LRP1B: variants seen among roughly 807,000 people sequenced by gnomAD.
LRP1B encodes low-density lipoprotein receptor-related protein 1B.
A neutral mutation model predicts 556.6 loss-of-function variants in LRP1B; 217 were observed. The ratio of observed to expected loss-of-function variants is 0.39; its 90% CI spans 0.35 to 0.44. The LOEUF is 0.44. Among genes scored for constraint, LRP1B ranks in the 20% least tolerant of loss-of-function variants. The pLI, the probability that LRP1B is intolerant of heterozygous loss-of-function variation, is 1.00. For synonymous variants in LRP1B, 2,047 were observed against 1,865.8 expected (o/e 1.10, Z -2.50); for missense variants, 5,053 against 5,620.8 (o/e 0.90, Z 3.23).
chr2:141,566,130 T>C (rs1183885993), intron 2 of LRP1B, among the ~76,000 whole-genome samples: 1 of 151,154 alleles, frequency 6.6e-6, no homozygotes, highest in East Asian at 2.0e-4. Flanking sequence ...TACTGTTCTT[T>C]GTCAACCCAC....
chr2:141,015,493 C>T (rs1697875651), intron 13 of LRP1B, among the ~76,000 whole-genome samples: 1 of 151,996 alleles, frequency 6.6e-6, no homozygotes, highest in African/African-American at 2.4e-5. Context: ...CCTGGCATAC[C>T]ACAGTGAGCT....
chr2:141,638,037 C>T (rs1689166542), intron 2 of LRP1B, among the ~76,000 whole-genome samples: 1 of 152,016 alleles, frequency 6.6e-6, no homozygotes, highest in Non-Finnish European at 1.5e-5. Context: ...CCCATCTCTA[C>T]AAAAAATACA....
rs1219256624 is a variant in LRP1B at position 140,356,581 on chromosome 2, C to T, written c.11396-105G>A. 6 of 743,314 alleles carry T rather than the reference C, an allele frequency of 8.1e-6. No homozygotes were observed. In the African/African-American group the frequency reaches 9.0e-5, roughly 11 times the overall value. The allele number at this position is 743,314 out of a possible 1,614,324, so 46.0% of individuals were successfully genotyped here. ...ATGGTATTTATTATTCCACAGATAACTCTTTTTGAATGTACAAGGTTACGG... is the reference window on the plus strand; with the variant it reads ...ATGGTATTTATTATTCCACAGATAATTCTTTTTGAATGTACAAGGTTACGG... On this transcript the variant is annotated intron_variant, in intron 74 of 90. Coordinates refer to ENST00000389484, the MANE Select transcript of LRP1B (RefSeq NM_018557.3).
intron 2 of LRP1B, among the ~76,000 whole-genome samples, chr2:141,623,736 GC>G (rs59942024): frequency 0.75 from 112,777 of 151,170 alleles, 42,688 homozygotes; most frequent in East Asian, 0.83. Flanking sequence ...AAAGATTAGG[GC>G]CAAGCGGGGT....
At chr2:141,158,868 G>A (rs924606378) in intron 7 of LRP1B, among the ~76,000 whole-genome samples, 2 of 152,026 alleles carry the variant, frequency 1.3e-5, no homozygotes, top group Non-Finnish European at 2.9e-5. Flanking sequence ...GACCTAAATT[G>A]GTGAACTGTA....
At chr2:140,475,027 C>T (rs1687913158) in intron 60 of LRP1B, 111 bp downstream of exon 60, 2 of 420,436 alleles carry the variant, frequency 4.8e-6, no homozygotes, top group African/African-American at 2.1e-5. Context: ...AATAATGTAA[C>T]CTTAAATTAA....
At chr2:141,819,515 T>C (rs1696684743) in intron 1 of LRP1B, among the ~76,000 whole-genome samples, 1 of 152,150 alleles carries the variant, frequency 6.6e-6, no homozygotes, top group South Asian at 2.1e-4. Context: ...AAACATCGCA[T>C]GTTCTCATTC....
In LRP1B at chr2:141,348,670, G is replaced by C. The variant is rs143669985; in HGVS notation, c.344-94029C>G. On this transcript the variant is annotated intron_variant, in intron 3 of 90. Transcript: ENST00000389484. ...TCTTTAAAACAGTATTACTCATAGAGCACAATTGATTCCAGGTGGCCAGAC... is the reference window on the plus strand; with the variant it reads ...TCTTTAAAACAGTATTACTCATAGACCACAATTGATTCCAGGTGGCCAGAC... Among the ~76,000 whole-genome samples, 384 of 152,056 alleles carry C rather than the reference G, an allele frequency of 2.5e-3. 4 individuals are homozygous for C. Among genetic ancestry groups the C allele is most frequent in the Non-Finnish European group, 4.4e-3 (298 of 67,980 alleles).
At chr2:140,880,127 ATTTAG>A (rs944126645) in intron 25 of LRP1B, among the ~76,000 whole-genome samples, 3 of 152,164 alleles carry the variant, frequency 2.0e-5, no homozygotes, top group African/African-American at 7.2e-5. Context: ...GCAGTTAAAA[ATTTAG>A]TTTAACTAAA....
chr2:140,414,688 A>T (rs1295389996), intron 66 of LRP1B, among the ~76,000 whole-genome samples: 1 of 152,200 alleles, frequency 6.6e-6, no homozygotes, highest in African/African-American at 2.4e-5. Flanking sequence ...TAATCCTGTT[A>T]TCTTTGTAAG....
chr2:141,304,907 A>G (rs1409872834), intron 3 of LRP1B, among the ~76,000 whole-genome samples: 1 of 152,100 alleles, frequency 6.6e-6, no homozygotes, highest in East Asian at 1.9e-4. Context: ...AAAATCAGTT[A>G]GCTGTAAATA....
At chr2:140,239,406 A>G (rs750516294) in intron 88 of LRP1B, 36 bp downstream of exon 88, 1 of 1,352,244 alleles carries the variant, frequency 7.4e-7, no homozygotes, top group Non-Finnish European at 1.0e-6. Flanking sequence ...TGTGTGATTT[A>G]TTCACTGACT....
intron 3 of LRP1B, among the ~76,000 whole-genome samples, chr2:141,455,907 C>A (rs1158165334): frequency 6.6e-6 from 1 of 152,150 alleles, no homozygotes; most frequent in Non-Finnish European, 1.5e-5. Flanking sequence ...ATCTACATTA[C>A]CACTAATTAT....
intron 3 of LRP1B, among the ~76,000 whole-genome samples, chr2:141,396,176 A>G (rs1690231084): frequency 6.6e-6 from 1 of 152,226 alleles, no homozygotes; most frequent in East Asian, 1.9e-4. Flanking sequence ...TGAAATCAGA[A>G]TAAAATGTAA....
chr2:140,319,125 G>A (rs1248215085), intron 82 of LRP1B, among the ~76,000 whole-genome samples: 1 of 151,858 alleles, frequency 6.6e-6, no homozygotes, highest in Non-Finnish European at 1.5e-5. Flanking sequence ...GTTTAGTTTT[G>A]GACACATAAT....
At chr2:141,724,720 A>T (rs12464909) in intron 2 of LRP1B, among the ~76,000 whole-genome samples, 13 of 151,452 alleles carry the variant, frequency 8.6e-5, no homozygotes, top group East Asian at 3.9e-4. Context: ...CAAGGTGGGG[A>T]GAAGGAAAGT....
At chr2:140,443,661 C>T (rs1338490560) in intron 65 of LRP1B, among the ~76,000 whole-genome samples, 2 of 152,160 alleles carry the variant, frequency 1.3e-5, no homozygotes, top group African/African-American at 4.8e-5. Context: ...AGCATGCGTG[C>T]AAGCATGTGC....
chr2:140,822,340 T>G (rs1005710924), intron 31 of LRP1B, among the ~76,000 whole-genome samples: 1 of 152,226 alleles, frequency 6.6e-6, no homozygotes, highest in African/African-American at 2.4e-5. Flanking sequence ...TCAGCCTAAA[T>G]TGCCTGAAGG....
chr2:141,117,521 G>A (rs909491518), intron 7 of LRP1B, among the ~76,000 whole-genome samples: 2 of 151,892 alleles, frequency 1.3e-5, no homozygotes, highest in African/African-American at 2.4e-5. Context: ...AAAAATCACA[G>A]ATAGACCCTA....
Sources: gnomAD v4.1 joint callset for allele counts (sites outside exome capture counted in the v4.1 genomes callset) on GRCh38, gnomAD v4.1.1 for gene constraint, MANE v1.5 for transcripts, NCBI Gene and HGNC (gene_info 2026-07-23, HGNC 2026-07-21) for gene names.